The following IQSEC1 variants were observed in gnomAD, a reference collection of about 807,000 sequenced individuals.
IQSEC1 encodes the protein IQ motif and SEC7 domain-containing protein 1.
IQSEC1 carries 31 observed loss-of-function variants against 91.0 expected under a neutral mutation model. The ratio of observed to expected loss-of-function variants is 0.34; its 90% confidence interval spans 0.26 to 0.46. The LOEUF (loss-of-function observed/expected upper bound fraction) is 0.46, where lower values mean the gene tolerates loss of function less well. Among genes scored for constraint, IQSEC1 ranks in the 20% least tolerant of loss-of-function variants. The probability of loss-of-function intolerance (pLI) is 1.00; values close to 1 mark genes in which losing one functional copy is unlikely to be tolerated. For missense variants in IQSEC1, 1,388 were observed against 1,575.6 expected (o/e 0.88, Z 2.02); for synonymous variants, 699 against 662.6 (o/e 1.05, Z -0.84).
At chr3:12,903,288 C>T (rs778251362) in intron 12 of IQSEC1, among the ~76,000 whole-genome samples, 6 of 152,074 alleles carry the variant, frequency 3.9e-5, no homozygotes, top group South Asian at 2.1e-4. Context: ...TGTGTATATC[C>T]GCACACACAC....
intron 1 of IQSEC1, among the ~76,000 whole-genome samples, chr3:13,199,922 C>T (rs1694208674): frequency 6.7e-6 from 1 of 150,266 alleles, no homozygotes; most frequent in African/African-American, 2.5e-5. Context: ...ACACCACACA[C>T]CACGCACGTC....
rs1315878268 is a variant in IQSEC1, at chr3:13,073,396, A to C, written c.-382T>G. Among the ~76,000 whole-genome samples, 1 of 151,994 alleles carries C rather than the reference A, an allele frequency of 6.6e-6. No homozygotes were observed. Among genetic ancestry groups the C allele is most frequent in the Non-Finnish European group, 1.5e-5 (1 of 67,946 alleles). On this transcript the variant is annotated 5_prime_UTR_variant, in exon 1 of 14. Transcript: ENST00000613206. ...CGGGGATGAGGAGGGGAGGGTCGAG[A>C]GAAGGCTGCCCCGGGTTTGCTCTCG...
chr3:13,251,061 C>A (rs563642663), intron 1 of IQSEC1, among the ~76,000 whole-genome samples: 2 of 152,180 alleles, frequency 1.3e-5, no homozygotes, highest in Non-Finnish European at 2.9e-5. Flanking sequence ...TACCCTCCCC[C>A]GGCTCCCCCT....
intron 1 of IQSEC1, among the ~76,000 whole-genome samples, chr3:12,958,018 C>T (rs1700019989): frequency 6.6e-6 from 1 of 152,182 alleles, no homozygotes; most frequent in Admixed American, 6.5e-5. Context: ...TACCCAAGGC[C>T]GCGTGACTCA....
intron 1 of IQSEC1, among the ~76,000 whole-genome samples, chr3:13,056,248 T>C (rs1704875924): frequency 6.6e-6 from 1 of 152,120 alleles, no homozygotes; most frequent in Non-Finnish European, 1.5e-5. Flanking sequence ...CTTAGTCCAG[T>C]ACAGGCTTGG....
At chr3:13,111,551 G>A (rs1706244590) in intron 2 of IQSEC1, among the ~76,000 whole-genome samples, 1 of 152,196 alleles carries the variant, frequency 6.6e-6, no homozygotes, top group African/African-American at 2.4e-5. Context: ...ATTGAGAGCT[G>A]AGTGTTAGGG....
chr3:13,033,039 A>T (rs1703906530), intron 1 of IQSEC1, among the ~76,000 whole-genome samples: 1 of 152,216 alleles, frequency 6.6e-6, no homozygotes. Flanking sequence ...TGGTGTTGCA[A>T]GACAAACAAC....
intron 1 of IQSEC1, among the ~76,000 whole-genome samples, chr3:13,040,632 G>C (rs543356842): frequency 3.1e-4 from 47 of 152,322 alleles, no homozygotes; most frequent in African/African-American, 1.1e-3. Context: ...CAAGGCCCAG[G>C]CTCCGGTCCT....
chr3:13,252,445 G>C (rs1695210554), intron 1 of IQSEC1, among the ~76,000 whole-genome samples: 1 of 152,324 alleles, frequency 6.6e-6, no homozygotes, highest in Non-Finnish European at 1.5e-5. Flanking sequence ...GTTTATCTGT[G>C]GTTAGACACT....
intron 13 of IQSEC1, among the ~76,000 whole-genome samples, chr3:12,901,909 T>G (rs937095998): frequency 3.3e-5 from 5 of 152,094 alleles, no homozygotes; most frequent in African/African-American, 1.2e-4. Context: ...GGGGCTGATG[T>G]GCCTGGAGGA....
intron 1 of IQSEC1, among the ~76,000 whole-genome samples, chr3:13,025,068 CAG>C (rs898176786): frequency 6.6e-6 from 1 of 152,252 alleles, no homozygotes; most frequent in African/African-American, 2.4e-5. Flanking sequence ...GTTTCTGAAA[CAG>C]AGAGTGCACT....
chr3:13,193,790 C>T lies in IQSEC1; in HGVS notation c.273-29657G>A, dbSNP rs1385577489. 6.6e-6 allele frequency among the ~76,000 whole-genome samples: 1 copy of T among 152,158 alleles called. No homozygotes were observed. The highest frequency in any genetic ancestry group is 1.5e-5 in the Non-Finnish European group (1 of 68,030). The stretch of plus-strand genomic sequence containing the variant: ...CTTCCCCCGGCCCCACACCCTCCTG[C>T]CTGCACCTGCTCACACCCAGACCTG... On this transcript the variant is annotated intron_variant, in intron 1 of 15. Transcript: ENST00000648114. The surrounding 1 kb of genome is among the most constrained non-coding windows in gnomAD (Gnocchi z 4.2).
At chr3:13,254,117 G>A (rs1309104199) in intron 1 of IQSEC1, among the ~76,000 whole-genome samples, 1 of 152,246 alleles carries the variant, frequency 6.6e-6, no homozygotes, top group Non-Finnish European at 1.5e-5. Context: ...GTCCTGGCTG[G>A]CATCACAACG....
intron 2 of IQSEC1, among the ~76,000 whole-genome samples, chr3:13,128,694 T>A (rs957431341): frequency 6.6e-6 from 1 of 151,892 alleles, no homozygotes; most frequent in Non-Finnish European, 1.5e-5. Context: ...TGAAACCTCA[T>A]CTCTACTAAA....
chr3:13,074,242 T>A (rs559808030), upstream of IQSEC1, among the ~76,000 whole-genome samples: 316 of 152,222 alleles, frequency 2.1e-3, 1 homozygote, highest in African/African-American at 7.4e-3. Flanking sequence ...GAGGCACGTG[T>A]GGCTGAGACT....
In IQSEC1 at chr3:12,902,670, C is replaced by CAAAAAAAAAAAAAAAAAAAAAAAAACAA. The variant is rs1213830618; in HGVS notation, c.2805+102_2805+103insTTGTTTTTTTTTTTTTTTTTTTTTTTTT. 8.8e-4 allele frequency: 169 copies of CAAAAAAAAAAAAAAAAAAAAAAAAACAA among 192,578 alleles called. 4 individuals carry two copies. The highest frequency in any genetic ancestry group is 2.0e-3 in the African/African-American group (29 of 14,676). The allele number at this position is 192,578 out of a possible 1,614,324, so 11.9% of individuals were successfully genotyped here. On this transcript the variant is annotated intron_variant, in intron 13 of 13. Coordinates refer to ENST00000613206, the MANE Select transcript of IQSEC1 (RefSeq NM_001134382.3). ...AAAAAAAAAACAACAAAAAAAAAACCAAAAAAAAAAAAAAAAAAAAAAAAC... is the reference window on the plus strand; with the variant it reads ...AAAAAAAAAACAACAAAAAAAAAACCAAAAAAAAAAAAAAAAAAAAAAAAACAAAAAAAAAAAAAAAAAAAAAAAAAAC...
intron 2 of IQSEC1, 60 bp from the exon 3 acceptor site, chr3:12,936,757 C>A: frequency 6.9e-7 from 1 of 1,440,640 alleles, no homozygotes; most frequent in Non-Finnish European, 9.3e-7. Context: ...CGACATTTAC[C>A]AAACTCCTTC....
intron 1 of IQSEC1, among the ~76,000 whole-genome samples, chr3:13,235,364 C>T (rs953201223): frequency 2.6e-5 from 4 of 152,230 alleles, no homozygotes; most frequent in African/African-American, 9.6e-5. Context: ...ATCCCAACCA[C>T]TGCTGCTGGC....
intron 1 of IQSEC1, among the ~76,000 whole-genome samples, chr3:13,015,337 C>A (rs1239734419): frequency 6.6e-6 from 1 of 152,152 alleles, no homozygotes; most frequent in East Asian, 1.9e-4. Flanking sequence ...CGCAGGGGAG[C>A]TAAAGAACTT....
Sources: allele counts gnomAD v4.1 joint callset (sites outside exome capture counted in the v4.1 genomes callset), GRCh38; gene constraint gnomAD v4.1.1; non-coding constraint Gnocchi (gnomAD v3.1); transcripts MANE v1.5; gene names NCBI Gene and HGNC (gene_info 2026-07-23, HGNC 2026-07-21).